CWC27: variants seen among roughly 807,000 people sequenced by gnomAD.
CWC27 encodes CWC27 spliceosome associated cyclophilin, also known as spliceosome-associated protein CWC27 homolog.
CWC27 carries 47 observed loss-of-function variants against 63.6 expected under a neutral mutation model. The observed-to-expected ratio is 0.74, with a 90% CI of 0.58 to 0.94. The LOEUF (loss-of-function observed/expected upper bound fraction) is 0.94. Ranked by LOEUF, CWC27 falls within the 40% of genes least tolerant of loss-of-function variation. CWC27 has a pLI of 0.00. For missense variants in CWC27, 495 were observed against 554.3 expected, an observed-to-expected ratio of 0.89 and a Z score of 1.07; for synonymous variants, 175 against 179.8, an observed-to-expected ratio of 0.97 and a Z score of 0.22.
chr5:64,877,503 T>C (rs1418792960), intron 10 of CWC27, among the ~76,000 whole-genome samples: 1 of 151,886 alleles, frequency 6.6e-6, no homozygotes, highest in African/African-American at 2.4e-5. Flanking sequence ...GCAGAGTAGG[T>C]TGACATAGTT....
At chr5:64,809,293 T>G (rs1014063330) in intron 10 of CWC27, among the ~76,000 whole-genome samples, 4 of 152,254 alleles carry the variant, frequency 2.6e-5, no homozygotes, top group African/African-American at 9.6e-5. Flanking sequence ...TTGTGTGTGG[T>G]GAAAACATTA....
chr5:65,014,390 T>C (rs1400945223), intron 13 of CWC27, among the ~76,000 whole-genome samples: 1 of 149,484 alleles, frequency 6.7e-6, no homozygotes, highest in East Asian at 1.9e-4. Flanking sequence ...ATACACTATA[T>C]ATAATATTGT....
intron 10 of CWC27, among the ~76,000 whole-genome samples, chr5:64,805,383 A>G (rs930728522): frequency 6.6e-6 from 1 of 151,514 alleles, no homozygotes; most frequent in Non-Finnish European, 1.5e-5. Context: ...TATACCATAC[A>G]TAGTAGCTAA....
In CWC27 at chr5:64,990,726, T is replaced by C. The variant is rs557076283; in HGVS notation, c.1256+13488T>C. 3.9e-5 allele frequency among the ~76,000 whole-genome samples: 6 copies of C among 152,346 alleles called. No homozygotes were observed. The South Asian group carries it at 1.2e-3, about 32-fold the overall frequency. ...ACCCTTACCCTACTTTATCAATTAA[T>C]AACTCTAGACAACATGCTTCTTTTT... On this transcript the variant is annotated intron_variant, in intron 13 of 13. Coordinates refer to ENST00000381070, the MANE Select transcript of CWC27 (RefSeq NM_005869.4).
intron 13 of CWC27, among the ~76,000 whole-genome samples, chr5:64,994,333 T>G (rs1749591840): frequency 6.6e-6 from 1 of 152,188 alleles, no homozygotes; most frequent in Non-Finnish European, 1.5e-5. Flanking sequence ...TTATATAATA[T>G]TCTATCAAGA....
intron 10 of CWC27, among the ~76,000 whole-genome samples, chr5:64,850,311 C>G (rs962356200): frequency 6.6e-6 from 1 of 150,498 alleles, no homozygotes; most frequent in Non-Finnish European, 1.5e-5. Context: ...TGATTTTTGA[C>G]AAAGGGCCAA....
At chr5:64,961,156 G>A (rs1748901553) in intron 11 of CWC27, among the ~76,000 whole-genome samples, 1 of 152,304 alleles carries the variant, frequency 6.6e-6, no homozygotes, top group Non-Finnish European at 1.5e-5. Flanking sequence ...TTTATAACAT[G>A]CAGGAACAAA....
At chr5:64,919,248 C>T (rs1256104983) in intron 11 of CWC27, among the ~76,000 whole-genome samples, 1 of 152,164 alleles carries the variant, frequency 6.6e-6, no homozygotes, top group African/African-American at 2.4e-5. Context: ...AATTTGTCAC[C>T]ATAAATACTG....
intron 2 of CWC27, among the ~76,000 whole-genome samples, chr5:64,777,277 T>A (rs1743490565): frequency 6.6e-6 from 1 of 152,088 alleles, no homozygotes; most frequent in African/African-American, 2.4e-5. Context: ...GTTTACTAAT[T>A]CTTTAGAGTG....
intron 10 of CWC27, among the ~76,000 whole-genome samples, chr5:64,824,036 A>G (rs892829214): frequency 1.3e-5 from 2 of 152,192 alleles, no homozygotes; most frequent in African/African-American, 4.8e-5. Flanking sequence ...AGATATGTTC[A>G]CTGAAGGAAA....
At position 64,781,911 on chromosome 5, in the gene CWC27, T is replaced by G. The variant is rs774703120; in HGVS notation, c.140-10T>G. 2 of 1,415,568 alleles carry G rather than the reference T, an allele frequency of 1.4e-6. No homozygotes were observed. The highest frequency in any genetic ancestry group is 2.0e-6 in the Non-Finnish European group (2 of 1,014,836). The allele number at this position is 1,415,568 out of a possible 1,614,324, so 87.7% of individuals were successfully genotyped here. On this transcript the variant is annotated splice_polypyrimidine_tract_variant and intron_variant, in intron 2 of 13. Transcript: ENST00000381070. ...TAGACATTGATAAATTATTTTTATTTTTTTTTCAGCTTATTATGACAATAC... is the reference window on the plus strand; with the variant it reads ...TAGACATTGATAAATTATTTTTATTGTTTTTTCAGCTTATTATGACAATAC...
At chr5:64,852,639 A>T (rs922046451) in intron 10 of CWC27, among the ~76,000 whole-genome samples, 1 of 151,962 alleles carries the variant, frequency 6.6e-6, no homozygotes, top group Non-Finnish European at 1.5e-5. Context: ...GCCCCAGCTA[A>T]TTTTTGTATC....
chr5:64,812,326 C>T (rs1273330712), intron 10 of CWC27, among the ~76,000 whole-genome samples: 1 of 152,104 alleles, frequency 6.6e-6, no homozygotes, highest in African/African-American at 2.4e-5. Context: ...CTCTCTTCAT[C>T]TCACAGAAGA....
rs145259839 is a variant in CWC27, at chr5:64,790,260, T to C, written c.669+1240T>C. Among the ~76,000 whole-genome samples the C allele has an allele frequency of 6.4e-4, 98 of 152,282 alleles. 1 individual carries two copies. The East Asian group carries it at 0.018, about 29-fold the overall frequency. ...TCAGAGTTGCTTTAGGAAAGGTCTC[T>C]AGATGTCAAAACTAAATTCATTTTT... On this transcript the variant is annotated intron_variant, in intron 7 of 13. Transcript: ENST00000381070.
chr5:64,903,557 G>C (rs1331858739), intron 11 of CWC27, among the ~76,000 whole-genome samples: 1 of 152,000 alleles, frequency 6.6e-6, no homozygotes, highest in Non-Finnish European at 1.5e-5. Context: ...GAGAGCATTA[G>C]GACAACTACC....
intron 11 of CWC27, among the ~76,000 whole-genome samples, chr5:64,897,696 T>C (rs1378916305): frequency 6.6e-6 from 1 of 152,176 alleles, no homozygotes; most frequent in African/African-American, 2.4e-5. Flanking sequence ...GTTTGTTACC[T>C]ATGTAACAAA....
chr5:64,919,329 T>C (rs1747952353), intron 11 of CWC27, among the ~76,000 whole-genome samples: 1 of 152,234 alleles, frequency 6.6e-6, no homozygotes. Context: ...CTTAACTTTG[T>C]ACTTGTGTAT....
chr5:64,862,093 A>G (rs1746425825), intron 10 of CWC27, among the ~76,000 whole-genome samples: 1 of 152,070 alleles, frequency 6.6e-6, no homozygotes, highest in Non-Finnish European at 1.5e-5. Context: ...CATATAACAG[A>G]ATCCTTTCTG....
At chr5:64,769,528 C>T (rs550806496) in intron 1 of CWC27, among the ~76,000 whole-genome samples, 300 of 152,270 alleles carry the variant, frequency 2.0e-3, no homozygotes, top group Non-Finnish European at 3.3e-3. Flanking sequence ...CATTCATTCT[C>T]CATTTCTTCT....
Sources: allele counts gnomAD v4.1 joint callset (sites outside exome capture counted in the v4.1 genomes callset), GRCh38; gene constraint gnomAD v4.1.1; transcripts MANE v1.5; gene names NCBI Gene and HGNC (gene_info 2026-07-23, HGNC 2026-07-21).